The following MLLT3 variants were observed in gnomAD, a reference collection of about 807,000 sequenced individuals.
MLLT3 encodes the protein MLLT3 super elongation complex subunit.
A neutral mutation model predicts 53.2 loss-of-function variants in MLLT3; 4 were observed. The observed-to-expected ratio is 0.08, with a 90% CI of 0.04 to 0.17. The LOEUF (loss-of-function observed/expected upper bound fraction) is 0.17. Among genes scored for constraint, MLLT3 ranks in the 10% least tolerant of loss-of-function variants. The pLI, the probability that MLLT3 is intolerant of heterozygous loss-of-function variation, is 1.00. For synonymous variants in MLLT3, 283 were observed against 230.6 expected, an observed-to-expected ratio of 1.23 and a Z score of -2.06; for missense variants, 569 against 684.0, an observed-to-expected ratio of 0.83 and a Z score of 1.87.
chr9:20,547,239 G>A (rs1818811531), intron 2 of MLLT3, among the ~76,000 whole-genome samples: 1 of 151,072 alleles, frequency 6.6e-6, no homozygotes, highest in Admixed American at 6.6e-5. Context: ...TTACCATGTT[G>A]CCCAGGCTGG....
chr9:20,371,437 C>T lies in MLLT3; in HGVS notation c.1126-5693G>A, dbSNP rs566475145. Reference sequence around the variant, plus strand: ...GATAGGCTGACACTCTTTTTAGAGGCTAATGCAACTGGTGAATTTAAGTTG... The same window carrying T: ...GATAGGCTGACACTCTTTTTAGAGGTTAATGCAACTGGTGAATTTAAGTTG... On this transcript the variant is annotated intron_variant, in intron 5 of 10. Coordinates refer to ENST00000380338, the MANE Select transcript of MLLT3 (RefSeq NM_004529.4). 7.9e-5 allele frequency among the ~76,000 whole-genome samples: 12 copies of T among 152,322 alleles called. No homozygotes were observed. The East Asian group carries it at 1.2e-3, about 15-fold the overall frequency.
chr9:20,500,768 G>A (rs1182609102), intron 2 of MLLT3, among the ~76,000 whole-genome samples: 1 of 152,096 alleles, frequency 6.6e-6, no homozygotes, highest in Admixed American at 6.5e-5. Context: ...CAGGTGTTCT[G>A]TGTTACAAAA....
intron 5 of MLLT3, among the ~76,000 whole-genome samples, chr9:20,389,739 C>T (rs1438668110): frequency 3.3e-5 from 5 of 151,948 alleles, no homozygotes; most frequent in African/African-American, 4.8e-5. Context: ...ACGACCACAC[C>T]GCTGACTCCA....
intron 4 of MLLT3, among the ~76,000 whole-genome samples, chr9:20,425,778 G>A (rs1178640134): frequency 6.6e-6 from 1 of 151,762 alleles, no homozygotes; most frequent in Non-Finnish European, 1.5e-5. Flanking sequence ...AGAAACACAT[G>A]AAAAAATTTA....
chr9:20,545,626 G>A (rs1818766666), intron 2 of MLLT3, among the ~76,000 whole-genome samples: 1 of 152,094 alleles, frequency 6.6e-6, no homozygotes. Flanking sequence ...TATATACAAA[G>A]TATTATTTAA....
chr9:20,582,191 G>T (rs10964622), intron 2 of MLLT3, among the ~76,000 whole-genome samples: 2,499 of 152,162 alleles, frequency 0.016, 74 homozygotes, highest in African/African-American at 0.057. Flanking sequence ...TTGCATTGGG[G>T]TGGTACATTT....
intron 2 of MLLT3, among the ~76,000 whole-genome samples, chr9:20,492,605 T>C (rs1824977169): frequency 6.6e-6 from 1 of 151,872 alleles, no homozygotes; most frequent in African/African-American, 2.4e-5. Flanking sequence ...TATATTAAGA[T>C]ATATATTAAT....
intron 5 of MLLT3, among the ~76,000 whole-genome samples, chr9:20,395,250 G>T (rs1822293582): frequency 6.6e-6 from 1 of 152,118 alleles, no homozygotes; most frequent in Admixed American, 6.5e-5. Flanking sequence ...TTTCAAATGG[G>T]TAACAACTTG....
intron 2 of MLLT3, among the ~76,000 whole-genome samples, chr9:20,520,558 A>G (rs143265774): frequency 1.3e-5 from 2 of 152,320 alleles, no homozygotes; most frequent in East Asian, 3.9e-4. Context: ...AATAAAAAAT[A>G]ATGTGAAAAA....
chr9:20,408,619 C>T (rs771430215), intron 5 of MLLT3, among the ~76,000 whole-genome samples: 1 of 152,156 alleles, frequency 6.6e-6, no homozygotes, highest in African/African-American at 2.4e-5. Flanking sequence ...TAATGAATGG[C>T]CTCTCCAGCT....
chr9:20,391,936 C>T (rs1186204430), intron 5 of MLLT3, among the ~76,000 whole-genome samples: 1 of 152,070 alleles, frequency 6.6e-6, no homozygotes, highest in Non-Finnish European at 1.5e-5. Context: ...CCAGGTGCTA[C>T]ATAAGGTTAA....
chr9:20,444,469 T>C (rs1187089621), intron 4 of MLLT3, among the ~76,000 whole-genome samples: 4 of 152,102 alleles, frequency 2.6e-5, no homozygotes, highest in Admixed American at 2.0e-4. Context: ...CCTCCCTTAA[T>C]ATAATAACAT....
intron 2 of MLLT3, among the ~76,000 whole-genome samples, chr9:20,493,642 T>C (rs1825008051): frequency 6.6e-6 from 1 of 152,032 alleles, no homozygotes; most frequent in South Asian, 2.1e-4. Flanking sequence ...ATTACCTAAA[T>C]GGCATTCCTC....
At position 20,620,010 on chromosome 9, in the gene MLLT3, C is replaced by G. The variant is rs1442001378; in HGVS notation, c.193+644G>C. ...GAATCAAAGGAGCAGTCAAGTGGCA[C>G]GCGGGGGTGGGAGGGAGGAACGAGT... On this transcript the variant is annotated intron_variant, in intron 2 of 10. Coordinates refer to ENST00000380338, the MANE Select transcript of MLLT3 (RefSeq NM_004529.4). The surrounding 1 kb of genome is among the most constrained non-coding windows in gnomAD (Gnocchi z 6.1). Among the ~76,000 whole-genome samples the G allele has an allele frequency of 1.3e-5, 2 of 151,996 alleles. No individual in the cohort carries two copies. The highest frequency in any genetic ancestry group is 4.8e-5 in the African/African-American group (2 of 41,382).
intron 2 of MLLT3, among the ~76,000 whole-genome samples, chr9:20,533,860 A>G (rs1355116846): frequency 6.6e-6 from 1 of 152,228 alleles, no homozygotes; most frequent in Admixed American, 6.5e-5. Context: ...TCATAGAAGC[A>G]AAGAAAGGTT....
chr9:20,516,045 G>A (rs1294302547), intron 2 of MLLT3, among the ~76,000 whole-genome samples: 1 of 152,166 alleles, frequency 6.6e-6, no homozygotes, highest in African/African-American at 2.4e-5. Flanking sequence ...CAGAAGCAAA[G>A]CCAGTTAAGT....
rs117966793 is a variant in MLLT3 at position 20,362,320 on chromosome 9, A to T, written c.1331+1156T>A. ...AGATATTCTAAATAACAACTAGGGA[A>T]ATCATCTAAATAGGTCATACGTTTT... On this transcript the variant is annotated intron_variant, in intron 7 of 10. Transcript: ENST00000380338. Among the ~76,000 whole-genome samples, 942 of 152,324 alleles carry T rather than the reference A, an allele frequency of 6.2e-3. 5 individuals carry two copies. The highest frequency in any genetic ancestry group is 9.0e-3 in the Non-Finnish European group (612 of 68,026).
intron 2 of MLLT3, among the ~76,000 whole-genome samples, chr9:20,602,487 T>C (rs1031805789): frequency 1.3e-5 from 2 of 152,128 alleles, no homozygotes; most frequent in African/African-American, 2.4e-5. Context: ...CTCACATGGC[T>C]TATAAAAAAA....
chr9:20,367,618 T>C (rs957641186), intron 5 of MLLT3, among the ~76,000 whole-genome samples: 5 of 152,226 alleles, frequency 3.3e-5, no homozygotes, highest in African/African-American at 1.2e-4. Context: ...TATTTAAGGC[T>C]AAATTTATTT....
Sources: allele counts gnomAD v4.1 joint callset (sites outside exome capture counted in the v4.1 genomes callset), GRCh38; gene constraint gnomAD v4.1.1; non-coding constraint Gnocchi (gnomAD v3.1); transcripts MANE v1.5; gene names NCBI Gene and HGNC (gene_info 2026-07-23, HGNC 2026-07-21).